Variants in LYPD6 observed in about 807,000 individuals in gnomAD.
The protein encoded by LYPD6 is ly6/PLAUR domain-containing protein 6.
LYPD6 carries 15 observed loss-of-function variants against 22.7 expected under a neutral mutation model. The ratio of observed to expected loss-of-function variants is 0.66; its 90% CI spans 0.44 to 1.02. The LOEUF (loss-of-function observed/expected upper bound fraction) is 1.02, where lower values mean the gene tolerates loss of function less well. Ranked by LOEUF, LYPD6 falls within the 50% of genes least tolerant of loss-of-function variation. The probability of loss-of-function intolerance (pLI) is 0.00; values close to 1 mark genes in which losing one functional copy is unlikely to be tolerated. For missense variants in LYPD6, 189 were observed against 208.4 expected (o/e 0.91, Z 0.57); for synonymous variants, 72 against 77.5 (o/e 0.93, Z 0.37).
At chr2:149,394,852 G>A (rs1682394166) in intron 1 of LYPD6, among the ~76,000 whole-genome samples, 1 of 152,072 alleles carries the variant, frequency 6.6e-6, no homozygotes, top group African/African-American at 2.4e-5. Flanking sequence ...CCATGTTTAT[G>A]TATATATTTA....
At chr2:149,364,101 C>T (rs1407993565) in intron 1 of LYPD6, among the ~76,000 whole-genome samples, 1 of 152,118 alleles carries the variant, frequency 6.6e-6, no homozygotes, top group African/African-American at 2.4e-5. Flanking sequence ...ATTTCAGCAG[C>T]TTTTCAGAAG....
In LYPD6 at chr2:149,419,466, C is replaced by G. The variant is rs533477332; in HGVS notation, c.-71-18172C>G. Among the ~76,000 whole-genome samples the G allele has an allele frequency of 2.6e-5, 4 of 152,304 alleles. No homozygotes were observed. In the East Asian group the frequency reaches 7.7e-4, roughly 29 times the overall value. Reference sequence around the variant, plus strand: ...CCACTGGCCACATGTGACTATTTAACTTAAATTTCAATTAAATACAATTAA... The same window carrying G: ...CCACTGGCCACATGTGACTATTTAAGTTAAATTTCAATTAAATACAATTAA... On this transcript the variant is annotated intron_variant, in intron 1 of 4. Coordinates refer to ENST00000334166, the MANE Select transcript of LYPD6 (RefSeq NM_194317.5).
chr2:149,420,237 T>A (rs1299861662), intron 1 of LYPD6, among the ~76,000 whole-genome samples: 1 of 152,208 alleles, frequency 6.6e-6, no homozygotes, highest in Non-Finnish European at 1.5e-5. Context: ...AACGAGGACA[T>A]TGAACTGCAG....
chr2:149,391,363 CT>C lies in LYPD6; in HGVS notation c.-71-46269del, dbSNP rs200781849. ...TTGAGCTTTTTCTTATTCCAACTCC[CT>C]TTTTTCCCCCCCGATAATGGAGAAA... On this transcript the variant is annotated intron_variant, in intron 1 of 4. Transcript: ENST00000334166. Among the ~76,000 whole-genome samples the C allele has an allele frequency of 5.6e-4, 85 of 152,190 alleles. No individual in the cohort carries two copies. The East Asian group carries it at 0.015, about 27-fold the overall frequency.
In LYPD6 at chr2:149,437,840, C is replaced by T; in HGVS notation, c.118+14C>T. 1 of 1,612,910 alleles carries T rather than the reference C, an allele frequency of 6.2e-7. No individual in the cohort carries two copies. The highest frequency in any genetic ancestry group is 2.2e-5 in the East Asian group (1 of 44,834). ...TCCATCCTTCAAGTAAGACTGTTCT[C>T]TTTGCTGCAGAAATATCACTTTATT... On this transcript the variant is annotated intron_variant, in intron 2 of 4. Coordinates refer to ENST00000334166, the MANE Select transcript of LYPD6 (RefSeq NM_194317.5).
intron 1 of LYPD6, among the ~76,000 whole-genome samples, chr2:149,349,061 GA>G (rs1559120501): frequency 6.6e-6 from 1 of 152,142 alleles, no homozygotes; most frequent in African/African-American, 2.4e-5. Context: ...AAGAGTAACA[GA>G]TTTGGAAGAG....
At chr2:149,409,328 CT>C (rs1682801335) in intron 1 of LYPD6, among the ~76,000 whole-genome samples, 1 of 152,134 alleles carries the variant, frequency 6.6e-6, no homozygotes, top group African/African-American at 2.4e-5. Context: ...GATGTGGACT[CT>C]GAGGGTCCTT....
intron 1 of LYPD6, among the ~76,000 whole-genome samples, chr2:149,407,608 A>G (rs1266277129): frequency 4.0e-5 from 6 of 151,888 alleles, no homozygotes; most frequent in Non-Finnish European, 7.4e-5. Context: ...ACTTCTCTGT[A>G]TTGGTTATTC....
chr2:149,352,295 G>A (rs568269216), intron 1 of LYPD6, among the ~76,000 whole-genome samples: 6 of 152,248 alleles, frequency 3.9e-5, no homozygotes, highest in East Asian at 3.9e-4. Flanking sequence ...CTGGGGCTCC[G>A]GAAGGCAAAA....
At chr2:149,456,223 T>C (rs1680954275) in intron 3 of LYPD6, among the ~76,000 whole-genome samples, 1 of 152,218 alleles carries the variant, frequency 6.6e-6, no homozygotes, top group South Asian at 2.1e-4. Flanking sequence ...ATCCTTTTCT[T>C]GAGTCTATTT....
downstream of LYPD6, among the ~76,000 whole-genome samples, chr2:149,477,910 G>A (rs1287723967): frequency 6.6e-6 from 1 of 152,212 alleles, no homozygotes; most frequent in Non-Finnish European, 1.5e-5. Flanking sequence ...AAAGCTGTGA[G>A]ATCAGTCTTG....
chr2:149,364,241 G>A lies in LYPD6; in HGVS notation c.-72+33519G>A, dbSNP rs375979872. Reference sequence around the variant, plus strand: ...GATAGGGAATTTAAAAAGAAAGCCAGTGAAATACATTTGATTCTCTTTTTC... The same window carrying A: ...GATAGGGAATTTAAAAAGAAAGCCAATGAAATACATTTGATTCTCTTTTTC... On this transcript the variant is annotated intron_variant, in intron 1 of 4. Transcript: ENST00000334166. Among the ~76,000 whole-genome samples, 4 of 152,174 alleles carry A rather than the reference G, an allele frequency of 2.6e-5. No individual in the cohort carries two copies. In the East Asian group the frequency reaches 5.8e-4, roughly 22 times the overall value.
chr2:149,485,969 G>T, the LYPD6 span, among the ~76,000 whole-genome samples: 1 of 152,042 alleles, frequency 6.6e-6, no homozygotes. Context: ...AAACATTTCT[G>T]GCTGCCATTC....
chr2:149,365,991 C>T (rs182729178), intron 1 of LYPD6, among the ~76,000 whole-genome samples: 5 of 152,326 alleles, frequency 3.3e-5, no homozygotes, highest in African/African-American at 9.6e-5. Flanking sequence ...TAGTGGAACA[C>T]ATGACACCGA....
chr2:149,380,356 G>T (rs1456727979), intron 1 of LYPD6, among the ~76,000 whole-genome samples: 1 of 152,218 alleles, frequency 6.6e-6, no homozygotes, highest in African/African-American at 2.4e-5. Context: ...GACATGCTAA[G>T]AAGAGGCTAT....
chr2:149,371,989 A>T lies in LYPD6; in HGVS notation c.-72+41267A>T, dbSNP rs953993037. Among the ~76,000 whole-genome samples, 4 of 152,066 alleles carry T rather than the reference A, an allele frequency of 2.6e-5. No individual in the cohort carries two copies. The South Asian group carries it at 8.3e-4, about 32-fold the overall frequency. On this transcript the variant is annotated intron_variant, in intron 1 of 4. Transcript: ENST00000334166. ...TTCCAAAATTCCAAACCCAGGGGAGATGGCTCTTTGACCTTCAGGTGGCAC... is the reference window on the plus strand; with the variant it reads ...TTCCAAAATTCCAAACCCAGGGGAGTTGGCTCTTTGACCTTCAGGTGGCAC...
chr2:149,337,277 G>A (rs1681052629), intron 1 of LYPD6, among the ~76,000 whole-genome samples: 1 of 152,120 alleles, frequency 6.6e-6, no homozygotes, highest in Non-Finnish European at 1.5e-5. Context: ...GTAGAAATTT[G>A]AAATAAGAGT....
At chr2:149,437,941 T>C in intron 2 of LYPD6, 115 bp downstream of exon 2, 2 of 1,128,362 alleles carry the variant, frequency 1.8e-6, no homozygotes, top group South Asian at 2.8e-5. Flanking sequence ...GTGATTTAAC[T>C]GGGGTGGTGC....
At chr2:149,386,041 T>C (rs1445267891) in intron 1 of LYPD6, among the ~76,000 whole-genome samples, 1 of 152,230 alleles carries the variant, frequency 6.6e-6, no homozygotes, top group African/African-American at 2.4e-5. Flanking sequence ...CAATTGCCTA[T>C]GTTTTCCAAA....
Sources: gnomAD v4.1 joint callset for allele counts (sites outside exome capture counted in the v4.1 genomes callset) on GRCh38, gnomAD v4.1.1 for gene constraint, MANE v1.5 for transcripts, NCBI Gene and HGNC (gene_info 2026-07-23, HGNC 2026-07-21) for gene names.